The following RAB2A variants were observed in gnomAD, a reference collection of about 807,000 sequenced individuals.
RAB2A encodes RAB2A, member RAS oncogene family, also known as ras-related protein Rab-2A.
A neutral mutation model predicts 32.5 loss-of-function variants in RAB2A; 7 were observed. The observed-to-expected ratio is 0.22, with a 90% CI of 0.12 to 0.40. The LOEUF (loss-of-function observed/expected upper bound fraction) is 0.40. Ranked by LOEUF, RAB2A falls within the 10% of genes least tolerant of loss-of-function variation. The pLI, the probability that RAB2A is intolerant of heterozygous loss-of-function variation, is 1.00. For missense variants in RAB2A, 108 were observed against 260.7 expected, an observed-to-expected ratio of 0.41 and a Z score of 4.03; for synonymous variants, 79 against 85.2, an observed-to-expected ratio of 0.93 and a Z score of 0.40.
chr8:60,537,701 T>A (rs1413432893), intron 1 of RAB2A, among the ~76,000 whole-genome samples: 2 of 152,182 alleles, frequency 1.3e-5, no homozygotes, highest in Non-Finnish European at 2.9e-5. Context: ...TATTTTATTT[T>A]ATTTATTTTC....
At chr8:60,616,619 T>C (rs1049368121) in intron 6 of RAB2A, among the ~76,000 whole-genome samples, 8 of 152,386 alleles carry the variant, frequency 5.2e-5, no homozygotes, top group Admixed American at 2.0e-4. Flanking sequence ...AGTTTAGCTC[T>C]AGCACATACA....
At chr8:60,542,930 A>T (rs1448429353) in intron 1 of RAB2A, among the ~76,000 whole-genome samples, 1 of 152,224 alleles carries the variant, frequency 6.6e-6, no homozygotes, top group Non-Finnish European at 1.5e-5. Flanking sequence ...CATGCATTCA[A>T]TTAATATTCT....
intron 1 of RAB2A, among the ~76,000 whole-genome samples, chr8:60,545,224 G>A (rs938525791): frequency 6.6e-6 from 1 of 151,548 alleles, no homozygotes; most frequent in African/African-American, 2.4e-5. Flanking sequence ...GCCTTAAAAT[G>A]CAAGAGGACT....
Position 60,517,162 on chromosome 8 carries a change from C to T in RAB2A, c.-46C>T. The stretch of plus-strand genomic sequence containing the variant: ...GGGTTGGGGCGCGGAGGAGGAGCAG[C>T]AGCGGGAGGAGGAGCCGTGTGCCCT... On this transcript the variant is annotated 5_prime_UTR_variant, in exon 1 of 8. Coordinates refer to ENST00000262646, the MANE Select transcript of RAB2A (RefSeq NM_002865.3). The T allele has an allele frequency of 6.8e-7, 1 of 1,469,710 alleles. No homozygotes were observed. The highest frequency in any genetic ancestry group is 9.0e-7 in the Non-Finnish European group (1 of 1,107,048). 91.0% of individuals were successfully genotyped at this position (1,469,710 alleles called of 1,614,324 possible).
intron 1 of RAB2A, among the ~76,000 whole-genome samples, chr8:60,517,929 T>A (rs1222718150): frequency 1.3e-5 from 2 of 152,110 alleles, no homozygotes; most frequent in Non-Finnish European, 2.9e-5. Context: ...TTCTGTGGAC[T>A]TTTGCCACGT....
At chr8:60,611,027 G>A (rs1804337542) in intron 6 of RAB2A, among the ~76,000 whole-genome samples, 1 of 152,076 alleles carries the variant, frequency 6.6e-6, no homozygotes, top group Non-Finnish European at 1.5e-5. Context: ...ACCAAAAGCG[G>A]AGTCATCCAT....
rs1322098482 is a variant in RAB2A at position 60,622,507 on chromosome 8, C to CT, written c.*1739dup. On this transcript the variant is annotated 3_prime_UTR_variant, in exon 8 of 8. Transcript: ENST00000262646. ...GGCTGTATCAAATTCACTGGTCTTA[C>CT]TAATCACTGTCTTTACCAGTGAGTA... The CT allele has an allele frequency of 1.3e-5, 2 of 152,146 alleles. No homozygotes were observed. Among genetic ancestry groups the CT allele is most frequent in the Admixed American group, 6.5e-5 (1 of 15,280 alleles). 9.4% of individuals were successfully genotyped at this position (152,146 alleles called of 1,614,324 possible).
chr8:60,533,513 G>C (rs919228882), intron 1 of RAB2A, among the ~76,000 whole-genome samples: 1 of 152,238 alleles, frequency 6.6e-6, no homozygotes, highest in Non-Finnish European at 1.5e-5. Context: ...GTGAGTAGAA[G>C]ACATACAGTT....
chr8:60,522,628 AAATGTG>A lies in RAB2A; in HGVS notation c.46+5377_46+5382del, dbSNP rs1435685847. ...TGCATGGGTTATTTTATTGAAGAAT[AAATGTG>A]AGTGTGTGTTTGTATTTTAAGATAG... On this transcript the variant is annotated intron_variant, in intron 1 of 7. Coordinates refer to ENST00000262646, the MANE Select transcript of RAB2A (RefSeq NM_002865.3). Among the ~76,000 whole-genome samples the A allele has an allele frequency of 2.0e-5, 3 of 152,190 alleles. No individual in the cohort carries two copies. In the East Asian group the frequency reaches 5.8e-4, roughly 29 times the overall value.
chr8:60,517,948 G>A (rs1386722549), intron 1 of RAB2A, among the ~76,000 whole-genome samples: 1 of 152,074 alleles, frequency 6.6e-6, no homozygotes, highest in African/African-American at 2.4e-5. Context: ...GTGTGAACTG[G>A]GGTTATATAG....
At chr8:60,592,761 T>C (rs575347950) in intron 6 of RAB2A, among the ~76,000 whole-genome samples, 73 of 152,306 alleles carry the variant, frequency 4.8e-4, no homozygotes, top group African/African-American at 1.7e-3. Flanking sequence ...ATATTATAAA[T>C]AGATGATTAC....
intron 7 of RAB2A, 114 bp from the exon 8 acceptor site, chr8:60,620,560 A>G (rs778210789): frequency 2.6e-6 from 2 of 757,778 alleles, no homozygotes; most frequent in African/African-American, 3.5e-5. Context: ...TACTTGCTGT[A>G]TTTTTCTCAG....
chr8:60,531,649 T>C (rs926434579), intron 1 of RAB2A, among the ~76,000 whole-genome samples: 2 of 152,160 alleles, frequency 1.3e-5, no homozygotes, highest in Middle Eastern at 3.2e-3. Flanking sequence ...CTTGATTCTA[T>C]TGTCCTCCAT....
At chr8:60,595,546 A>T (rs750873129) in intron 6 of RAB2A, among the ~76,000 whole-genome samples, 1 of 152,230 alleles carries the variant, frequency 6.6e-6, no homozygotes, top group Admixed American at 6.5e-5. Context: ...AAATAAAATG[A>T]TAGGAAAAGT....
At chr8:60,572,229 C>A (rs3735825) in intron 3 of RAB2A, 116 bp downstream of exon 3, 3 of 704,178 alleles carry the variant, frequency 4.3e-6, no homozygotes, top group Admixed American at 2.7e-5. Flanking sequence ...CACTGACTTC[C>A]TGCAGCCATG....
intron 5 of RAB2A, among the ~76,000 whole-genome samples, chr8:60,585,115 A>C (rs1202059250): frequency 6.6e-6 from 1 of 152,204 alleles, no homozygotes; most frequent in Non-Finnish European, 1.5e-5. Flanking sequence ...GGGGAGTTGG[A>C]TTGAACATCT....
intron 1 of RAB2A, among the ~76,000 whole-genome samples, chr8:60,529,974 T>C (rs551892648): frequency 1.4e-4 from 22 of 152,168 alleles, no homozygotes; most frequent in African/African-American, 5.1e-4. Context: ...TCTGGTTCTG[T>C]GTCACCTTTT....
chr8:60,565,431 A>AAAG (rs1554554740), intron 2 of RAB2A, among the ~76,000 whole-genome samples: 5 of 151,612 alleles, frequency 3.3e-5, no homozygotes, highest in South Asian at 2.1e-4. Context: ...AAAAAAAAAA[A>AAAG]AAAGAAAGAA....
chr8:60,537,313 C>G (rs1198088137), intron 1 of RAB2A, among the ~76,000 whole-genome samples: 2 of 151,194 alleles, frequency 1.3e-5, no homozygotes, highest in African/African-American at 4.8e-5. Flanking sequence ...CCTCTGCCTC[C>G]CGGGTTCAAG....
Sources: allele counts gnomAD v4.1 joint callset (sites outside exome capture counted in the v4.1 genomes callset), GRCh38; gene constraint gnomAD v4.1.1; transcripts MANE v1.5; gene names NCBI Gene and HGNC (gene_info 2026-07-23, HGNC 2026-07-21).